The following ANKFY1 variants were observed in gnomAD, a reference collection of about 807,000 sequenced individuals.
The protein encoded by ANKFY1 is ankyrin repeat and FYVE domain-containing protein 1.
A neutral mutation model predicts 128.3 loss-of-function variants in ANKFY1; 47 were observed. That is an observed-to-expected ratio of 0.37 (90% CI 0.29 to 0.47). The LOEUF is 0.47. Ranked by LOEUF, ANKFY1 falls within the 20% of genes least tolerant of loss-of-function variation. ANKFY1 has a pLI of 1.00. For missense variants in ANKFY1, 1,222 were observed against 1,510.6 expected (o/e 0.81, Z 3.17); for synonymous variants, 553 against 601.6 (o/e 0.92, Z 1.18).
chr17:4,173,564 G>A (rs2059361596), intron 20 of ANKFY1, 120 bp from the exon 21 acceptor site: 7 of 894,728 alleles, frequency 7.8e-6, no homozygotes, highest in Middle Eastern at 4.3e-4. Flanking sequence ...GACTGGCCAC[G>A]CACAGAGCCA....
intron 11 of ANKFY1, chr17:4,187,612 T>A (rs2059634480): frequency 4.2e-6 from 1 of 235,794 alleles, no homozygotes; most frequent in Non-Finnish European, 8.1e-6. Context: ...ATGAAGGGTA[T>A]TCAGAGAAGG....
At chr17:4,168,910 T>C (rs1475302017) in intron 24 of ANKFY1, 1 of 406,628 alleles carries the variant, frequency 2.5e-6, no homozygotes, top group African/African-American at 2.0e-5. Flanking sequence ...TCAGCTTTGG[T>C]GCAGGCAGGA....
At position 4,167,669 on chromosome 17, in the gene ANKFY1, G is replaced by GC; in HGVS notation, c.*109dup. 1 of 1,099,868 alleles carries GC rather than the reference G, an allele frequency of 9.1e-7. No individual in the cohort carries two copies. 68.1% of individuals were successfully genotyped at this position (1,099,868 alleles called of 1,614,324 possible). A position where few individuals can be genotyped will look rare whatever the true frequency, so the allele number is the denominator to read the frequency against. ...TGGTCCTTAATCGTTCCAGTCTATT[G>GC]CCGCAGGAAGACACCCGCCAGCTCC... On this transcript the variant is annotated 3_prime_UTR_variant, in exon 25 of 25. Coordinates refer to ENST00000341657, the MANE Select transcript of ANKFY1 (RefSeq NM_001330063.2). This position sits in a 1 kb window ranked among gnomAD's most constrained non-coding sequence, Gnocchi z 4.1.
At chr17:4,259,816 G>A (rs1968310139) in intron 1 of ANKFY1, among the ~76,000 whole-genome samples, 2 of 152,230 alleles carry the variant, frequency 1.3e-5, no homozygotes, top group Admixed American at 1.3e-4. Context: ...AGATACAGGA[G>A]TGAGCAAAAC....
chr17:4,243,569 C>G (rs1193641403), intron 1 of ANKFY1, among the ~76,000 whole-genome samples: 1 of 152,156 alleles, frequency 6.6e-6, no homozygotes, highest in African/African-American at 2.4e-5. Context: ...GAGGAGGACA[C>G]TGGGACACAG....
chr17:4,225,055 T>TAA (rs35710004), intron 3 of ANKFY1, among the ~76,000 whole-genome samples: 275 of 147,984 alleles, frequency 1.9e-3, no homozygotes, highest in Middle Eastern at 6.9e-3. Flanking sequence ...GTTTTATATT[T>TAA]AAAAAAAAAA....
At chr17:4,221,240 G>C (rs961137407) in intron 3 of ANKFY1, among the ~76,000 whole-genome samples, 11 of 152,174 alleles carry the variant, frequency 7.2e-5, no homozygotes, top group African/African-American at 2.7e-4. Flanking sequence ...TTTAGGGACA[G>C]AGCCACTGTT....
Position 4,165,693 on chromosome 17 carries a change from C to T in ANKFY1, c.*2086G>A, listed in dbSNP as rs2059199987. On this transcript the variant is annotated 3_prime_UTR_variant, in exon 25 of 25. Transcript: ENST00000341657. The stretch of plus-strand genomic sequence containing the variant: ...CTATCCCTGGACTCAGGCTTAGAAG[C>T]AAGTTTGAATCAACATATTTGAAAC... The T allele has an allele frequency of 6.6e-6, 1 of 152,208 alleles. No homozygotes were observed. The highest frequency in any genetic ancestry group is 1.5e-5 in the Non-Finnish European group (1 of 68,038). 9.4% of individuals were successfully genotyped at this position (152,208 alleles called of 1,614,324 possible). A position where few individuals can be genotyped will look rare whatever the true frequency, so the allele number is the denominator to read the frequency against.
chr17:4,195,275 C>T, intron 9 of ANKFY1, 98 bp from the exon 10 acceptor site: 1 of 1,331,358 alleles, frequency 7.5e-7, no homozygotes, highest in Non-Finnish European at 1.0e-6. Context: ...TTTTCAATGA[C>T]ACATTTTTTT....
intron 2 of ANKFY1, among the ~76,000 whole-genome samples, chr17:4,240,231 AT>A (rs907017588): frequency 6.6e-6 from 1 of 150,546 alleles, no homozygotes; most frequent in Non-Finnish European, 1.5e-5. Flanking sequence ...CACCTAGCTA[AT>A]TTTTTTTATT....
At chr17:4,220,927 C>A (rs543309158) in intron 3 of ANKFY1, among the ~76,000 whole-genome samples, 3 of 152,150 alleles carry the variant, frequency 2.0e-5, no homozygotes, top group Non-Finnish European at 4.4e-5. Context: ...CCGAGTCCTG[C>A]GTGAGGGAGG....
Position 4,177,162 on chromosome 17 carries a change from A to T in ANKFY1, c.2739T>A (p.Ala913=), listed in dbSNP as rs781094002. The T allele has an allele frequency of 4.4e-6, 7 of 1,600,722 alleles. No individual in the cohort carries two copies. Among genetic ancestry groups the T allele is most frequent in the Non-Finnish European group, 6.0e-6 (7 of 1,173,810 alleles). Residue 913 remains alanine (A), a synonymous_variant, in exon 19 of 25, where the codon GCT becomes GCA. Coordinates refer to ENST00000341657, the MANE Select transcript of ANKFY1 (RefSeq NM_001330063.2). ...CAATAATTTCTGAGCCTGCTTGGAC[A>T]GCGAGGTGCAGGGGGGTCAACTTGG... ...DASKLTPLHL[A]VQAGSEIIVR... is the part of the protein sequence containing the mutation.
rs2059844514 is a variant in ANKFY1 at position 4,197,361 on chromosome 17, T to A, written c.1103+12A>T. 1 of 1,613,676 alleles carries A rather than the reference T, an allele frequency of 6.2e-7. No homozygotes were observed. The highest frequency in any genetic ancestry group is 1.7e-5 in the Admixed American group (1 of 60,012). On this transcript the variant is annotated intron_variant, in intron 8 of 24. Coordinates refer to ENST00000341657, the MANE Select transcript of ANKFY1 (RefSeq NM_001330063.2). ...ACAGTGCTAAGGGCACAGTGTCTGCTCCCCAGCTTACCTCCCCTTGCTGTC... is the reference window on the plus strand; with the variant it reads ...ACAGTGCTAAGGGCACAGTGTCTGCACCCCAGCTTACCTCCCCTTGCTGTC...
At chr17:4,201,472 G>A (rs1279920541) in intron 7 of ANKFY1, among the ~76,000 whole-genome samples, 1 of 112,250 alleles carries the variant, frequency 8.9e-6, no homozygotes, top group Non-Finnish European at 1.8e-5. Flanking sequence ...AGATTGGCCT[G>A]TGTCTGATTT....
rs760506347 is a variant in ANKFY1, at chr17:4,172,541, G to A, written c.3139+15C>T. On this transcript the variant is annotated intron_variant, in intron 22 of 24. Transcript: ENST00000341657. The stretch of plus-strand genomic sequence containing the variant: ...GCGCAAGTGAGACGGGACATACCCA[G>A]CCCTTGGTACACACCCGTGCTGCCG... 2 of 1,610,980 alleles carry A rather than the reference G, an allele frequency of 1.2e-6. No individual in the cohort carries two copies. Among genetic ancestry groups the A allele is most frequent in the South Asian group, 2.2e-5 (2 of 90,510 alleles).
At chr17:4,217,234 G>A (rs1294900093) in intron 3 of ANKFY1, 116 bp from the exon 4 acceptor site, 25 of 1,164,740 alleles carry the variant, frequency 2.1e-5, no homozygotes, top group Non-Finnish European at 3.0e-5. Context: ...CCAACTTAAA[G>A]GAATATTACA....
At chr17:4,261,512 T>A (rs780204435) in intron 1 of ANKFY1, among the ~76,000 whole-genome samples, 21 of 152,212 alleles carry the variant, frequency 1.4e-4, no homozygotes, top group Non-Finnish European at 2.8e-4. Flanking sequence ...AGAAAGACTG[T>A]GAAGTCAGAA....
intron 14 of ANKFY1, among the ~76,000 whole-genome samples, chr17:4,182,576 C>T (rs867789467): frequency 1.3e-5 from 2 of 152,222 alleles, no homozygotes; most frequent in Non-Finnish European, 2.9e-5. Context: ...AACATCCCAG[C>T]GTGCTGAAAT....
intron 19 of ANKFY1, among the ~76,000 whole-genome samples, chr17:4,174,848 G>C (rs969921433): frequency 4.6e-5 from 7 of 151,896 alleles, no homozygotes; most frequent in African/African-American, 1.7e-4. Flanking sequence ...TCAGCCTCCT[G>C]AGTAGCCAGG....
Sources: allele counts gnomAD v4.1 joint callset (sites outside exome capture counted in the v4.1 genomes callset), GRCh38; gene constraint gnomAD v4.1.1; non-coding constraint Gnocchi (gnomAD v3.1); transcripts MANE v1.5; gene names NCBI Gene and HGNC (gene_info 2026-07-23, HGNC 2026-07-21).